The following ITSN1 variants were observed in gnomAD, a reference collection of about 807,000 sequenced individuals.
ITSN1 encodes intersectin-1.
Under a neutral mutation model 239.8 loss-of-function variants are expected in ITSN1, and 58 were observed. The observed-to-expected ratio is 0.24, with a 90% CI of 0.20 to 0.30. The LOEUF is 0.30. Ranked by LOEUF, ITSN1 falls within the 10% of genes least tolerant of loss-of-function variation. ITSN1 has a pLI of 1.00. For missense variants in ITSN1, 1,558 were observed against 2,103.3 expected (o/e 0.74, Z 5.07); for synonymous variants, 780 against 770.8 (o/e 1.01, Z -0.20).
chr21:33,657,997 A>G (rs2089234788), intron 1 of ITSN1, among the ~76,000 whole-genome samples: 1 of 152,156 alleles, frequency 6.6e-6, no homozygotes, highest in Non-Finnish European at 1.5e-5. Flanking sequence ...AAAAAAAATC[A>G]TATAACCTTT....
intron 6 of ITSN1, among the ~76,000 whole-genome samples, chr21:33,750,648 T>A (rs1046877631): frequency 3.9e-5 from 6 of 152,220 alleles, no homozygotes; most frequent in Non-Finnish European, 7.3e-5. Flanking sequence ...CATTTTCTAT[T>A]TTTATGTATC....
intron 4 of ITSN1, among the ~76,000 whole-genome samples, chr21:33,722,999 A>G (rs2065592188): frequency 2.0e-5 from 3 of 152,266 alleles, no homozygotes; most frequent in Admixed American, 2.0e-4. Context: ...TTTATAATGG[A>G]ATGATTTTTT....
chr21:33,756,635 A>G (rs978241826), intron 8 of ITSN1, among the ~76,000 whole-genome samples: 2 of 152,172 alleles, frequency 1.3e-5, no homozygotes, highest in African/African-American at 4.8e-5. Context: ...GGTCCCTTTA[A>G]GGATCTCAGC....
intron 7 of ITSN1, among the ~76,000 whole-genome samples, chr21:33,752,663 A>C (rs1602017499): frequency 6.6e-6 from 1 of 152,106 alleles, no homozygotes; most frequent in South Asian, 2.1e-4. Flanking sequence ...AGGCAGGAGG[A>C]TCGCTTGAGC....
chr21:33,700,811 G>C (rs2091973026), intron 1 of ITSN1, among the ~76,000 whole-genome samples: 1 of 152,174 alleles, frequency 6.6e-6, no homozygotes, highest in African/African-American at 2.4e-5. Flanking sequence ...CAATAATTAA[G>C]TGAAAAACAG....
In ITSN1 at chr21:33,877,129, C is replaced by G. The variant is rs1569335087; in HGVS notation, c.4341+1608C>G. On this transcript the variant is annotated intron_variant, in intron 34 of 39. Transcript: ENST00000381318. Reference sequence around the variant, plus strand: ...AGTGCAGTGGTGTGATCTCGGCTCCCCGCAACCTCTGCCTCCCAGGTTCAA... The same window carrying G: ...AGTGCAGTGGTGTGATCTCGGCTCCGCGCAACCTCTGCCTCCCAGGTTCAA... 6.0e-5 allele frequency among the ~76,000 whole-genome samples: 8 copies of G among 133,656 alleles called. 1 individual carries two copies. The South Asian group carries it at 1.9e-3, about 32-fold the overall frequency. The allele number at this position is 133,656 out of a possible 152,430, so 87.7% of individuals were successfully genotyped here.
chr21:33,771,273 G>A (rs1229849918), intron 11 of ITSN1, among the ~76,000 whole-genome samples: 2 of 152,204 alleles, frequency 1.3e-5, no homozygotes, highest in Non-Finnish European at 2.9e-5. Flanking sequence ...AGATCTCAAG[G>A]CAGAGTGAGA....
chr21:33,664,553 C>G (rs2089795157), intron 1 of ITSN1, among the ~76,000 whole-genome samples: 1 of 152,176 alleles, frequency 6.6e-6, no homozygotes, highest in African/African-American at 2.4e-5. Context: ...AAATTTCAAC[C>G]TGAGATTTGG....
In ITSN1 at chr21:33,836,491, C is replaced by G; in HGVS notation, c.3520C>G (p.Leu1174Val). Residue 1174 changes from leucine to valine, a missense_variant, in exon 29 of 40, where the codon CTG becomes GTG. Leu to Val is a conservative substitution (Grantham distance 32). Coordinates refer to ENST00000381318, the MANE Select transcript of ITSN1 (RefSeq NM_003024.3). ...YDYTAQNDDE[L>V]AFNKGQIINV... is the part of the protein sequence containing the mutation. ...CTACACCGCGCAGAATGACGATGAGCTGGCCTTCAACAAGGGCCAGATCAT... is the reference window on the plus strand; with the variant it reads ...CTACACCGCGCAGAATGACGATGAGGTGGCCTTCAACAAGGGCCAGATCAT... 1 of 1,613,936 alleles carries G rather than the reference C, an allele frequency of 6.2e-7. No individual in the cohort carries two copies. The highest frequency in any genetic ancestry group is 8.5e-7 in the Non-Finnish European group (1 of 1,179,888).
chr21:33,748,934 G>A (rs2067365235), intron 5 of ITSN1, among the ~76,000 whole-genome samples: 2 of 150,766 alleles, frequency 1.3e-5, no homozygotes, highest in African/African-American at 4.9e-5. Flanking sequence ...TACTCCACAT[G>A]AAAGAAGGTA....
intron 34 of ITSN1, among the ~76,000 whole-genome samples, chr21:33,881,276 G>A (rs1247080627): frequency 1.3e-5 from 2 of 151,972 alleles, no homozygotes; most frequent in East Asian, 3.9e-4. Flanking sequence ...GCGTGGTCGC[G>A]AGCACCTGTA....
At chr21:33,744,503 A>T (rs1396436846) in intron 5 of ITSN1, among the ~76,000 whole-genome samples, 1 of 152,186 alleles carries the variant, frequency 6.6e-6, no homozygotes, top group Non-Finnish European at 1.5e-5. Flanking sequence ...AAAAGACTAG[A>T]TACAATCATC....
chr21:33,755,271 T>C, intron 7 of ITSN1, 26 bp from the exon 8 acceptor site: 2 of 1,420,522 alleles, frequency 1.4e-6, no homozygotes, highest in Non-Finnish European at 9.8e-7. Flanking sequence ...ATAATCCTCT[T>C]TCTCTCCTTT....
intron 1 of ITSN1, among the ~76,000 whole-genome samples, chr21:33,644,634 A>G (rs2087760273): frequency 6.6e-6 from 1 of 151,976 alleles, no homozygotes; most frequent in African/African-American, 2.4e-5. Flanking sequence ...TAGTTCTGTG[A>G]AATGTTTGTC....
intron 29 of ITSN1, among the ~76,000 whole-genome samples, chr21:33,838,910 G>T (rs2074728820): frequency 1.3e-5 from 2 of 152,226 alleles, no homozygotes; most frequent in South Asian, 4.1e-4. Flanking sequence ...ACAGAAACTT[G>T]CACATGCCCC....
At chr21:33,701,803 A>C (rs1200427841) in intron 1 of ITSN1, among the ~76,000 whole-genome samples, 1 of 151,782 alleles carries the variant, frequency 6.6e-6, no homozygotes, top group Non-Finnish European at 1.5e-5. Flanking sequence ...TCAAAAAAAA[A>C]AAGGCCGGAA....
intron 20 of ITSN1, among the ~76,000 whole-genome samples, chr21:33,807,930 A>G (rs1009956524): frequency 2.6e-5 from 4 of 152,084 alleles, no homozygotes; most frequent in Non-Finnish European, 4.4e-5. Flanking sequence ...TCACGCCTGT[A>G]ATCCCAGCAC....
intron 1 of ITSN1, among the ~76,000 whole-genome samples, chr21:33,653,866 G>A (rs2088788646): frequency 6.6e-6 from 1 of 151,928 alleles, no homozygotes; most frequent in Admixed American, 6.6e-5. Context: ...ATATCGCCCA[G>A]GATGGTCTTG....
At chr21:33,782,156 CATGT>C (rs2070246762) in intron 16 of ITSN1, 23 bp downstream of exon 16, 1 of 1,607,710 alleles carries the variant, frequency 6.2e-7, no homozygotes, top group Admixed American at 1.7e-5. Flanking sequence ...TGTGTGCCTG[CATGT>C]GTGTCCTACC....
Sources: allele counts gnomAD v4.1 joint callset (sites outside exome capture counted in the v4.1 genomes callset), GRCh38; gene constraint gnomAD v4.1.1; transcripts MANE v1.5; gene names NCBI Gene and HGNC (gene_info 2026-07-23, HGNC 2026-07-21).